Variants in C3orf70 observed in about 807,000 individuals in gnomAD.
The protein encoded by C3orf70 is chromosome 3 open reading frame 70.
In C3orf70, 15 loss-of-function variants were observed where a neutral mutation model predicts 20.7. That is an observed-to-expected ratio of 0.72 (90% CI 0.48 to 1.11). The LOEUF (loss-of-function observed/expected upper bound fraction) is 1.11, where lower values mean the gene tolerates loss of function less well. Among genes scored for constraint, C3orf70 ranks in the 50% most tolerant of loss-of-function variants. C3orf70 has a pLI of 0.00. For synonymous variants in C3orf70, 161 were observed against 125.7 expected (o/e 1.28, Z -1.88); for missense variants, 332 against 317.6 (o/e 1.05, Z -0.34).
chr3:185,125,945 G>A (rs1716402600), intron 1 of C3orf70, among the ~76,000 whole-genome samples: 1 of 152,092 alleles, frequency 6.6e-6, no homozygotes. Context: ...TTGGATGATA[G>A]GAATATTCTG....
intron 1 of C3orf70, among the ~76,000 whole-genome samples, chr3:185,105,847 G>A (rs1366893737): frequency 6.6e-6 from 1 of 152,202 alleles, no homozygotes; most frequent in African/African-American, 2.4e-5. Context: ...GGGGAGCTTG[G>A]AAGCGTCAGG....
intron 1 of C3orf70, among the ~76,000 whole-genome samples, chr3:185,084,915 T>C (rs13086069): frequency 0.051 from 7,787 of 152,276 alleles, 257 homozygotes; most frequent in East Asian, 0.095. Flanking sequence ...AGCCAATTTA[T>C]CGGTTCATGT....
At chr3:185,120,762 A>G (rs1561353085) in intron 1 of C3orf70, among the ~76,000 whole-genome samples, 2 of 152,020 alleles carry the variant, frequency 1.3e-5, no homozygotes, top group Non-Finnish European at 2.9e-5. Flanking sequence ...TGAAAAGGGA[A>G]CACTTCTACA....
At chr3:185,113,811 T>C (rs1716124204) in intron 1 of C3orf70, among the ~76,000 whole-genome samples, 1 of 152,222 alleles carries the variant, frequency 6.6e-6, no homozygotes, top group Non-Finnish European at 1.5e-5. Flanking sequence ...GTACCTGGAA[T>C]ATAATAGGTC....
chr3:185,107,161 A>ACTGG (rs1715961809), intron 1 of C3orf70, among the ~76,000 whole-genome samples: 1 of 152,202 alleles, frequency 6.6e-6, no homozygotes. Flanking sequence ...TCTCTATAGC[A>ACTGG]CTGGCCGTCC....
At chr3:185,091,094 T>C (rs1433884700) in intron 1 of C3orf70, among the ~76,000 whole-genome samples, 2 of 151,758 alleles carry the variant, frequency 1.3e-5, no homozygotes, top group Admixed American at 1.3e-4. Flanking sequence ...GTAGAGTATG[T>C]AGTCATGCTT....
chr3:185,107,172 A>G (rs374130407), intron 1 of C3orf70, among the ~76,000 whole-genome samples: 7,791 of 152,250 alleles, frequency 0.051, 637 homozygotes, highest in African/African-American at 0.18. Context: ...CTGGCCGTCC[A>G]CGTGGCCAAT....
intron 1 of C3orf70, among the ~76,000 whole-genome samples, chr3:185,107,847 C>T (rs991573081): frequency 5.3e-5 from 8 of 152,132 alleles, no homozygotes; most frequent in African/African-American, 1.9e-4. Context: ...GTCATAGACT[C>T]TAGATTTGCT....
intron 1 of C3orf70, among the ~76,000 whole-genome samples, chr3:185,094,412 A>G (rs1197200120): frequency 6.6e-6 from 1 of 151,970 alleles, no homozygotes; most frequent in Non-Finnish European, 1.5e-5. Flanking sequence ...GTTATTTCTT[A>G]GTTCTTTTCC....
At chr3:185,100,910 T>TC (rs1295559616) in intron 1 of C3orf70, among the ~76,000 whole-genome samples, 1 of 152,046 alleles carries the variant, frequency 6.6e-6, no homozygotes, top group Non-Finnish European at 1.5e-5. Flanking sequence ...TATGAACACC[T>TC]CTACACACAT....
rs749485255 is a variant in C3orf70 at position 185,076,968 on chromosome 3, C to T, written c.*6039G>A. ...GAGAGTTAAAACAGTAGAGTGCACA[C>T]GCAGATGAGATGCGCTGTCTGCAGG... On this transcript the variant is annotated 3_prime_UTR_variant, in exon 2 of 2. Coordinates refer to ENST00000335012, the MANE Select transcript of C3orf70 (RefSeq NM_001025266.3). Among the ~76,000 whole-genome samples, 23 of 152,162 alleles carry T rather than the reference C, an allele frequency of 1.5e-4. No homozygotes were observed. The highest frequency in any genetic ancestry group is 2.8e-4 in the Non-Finnish European group (19 of 68,040).
chr3:185,152,753 A>C lies in C3orf70; in HGVS notation c.71T>G (p.Leu24Arg). ...KSEKLDEAQA[L>R]ARSCAARRPD... ...TCTGCGGGCGGCGCAACTCCGCGCCAGGGCCTGAGCCTCATCTAGTTTCTC... is the reference window on the plus strand; with the variant it reads ...TCTGCGGGCGGCGCAACTCCGCGCCCGGGCCTGAGCCTCATCTAGTTTCTC... Residue 24 changes from leucine (L) to arginine (R), a missense_variant, in exon 1 of 2, where the codon CTG (leucine) becomes CGG (arginine). By Grantham distance (102) the Leu-to-Arg change is moderately radical. Transcript: ENST00000335012. The C allele has an allele frequency of 6.3e-7, 1 of 1,594,298 alleles. No individual in the cohort carries two copies. Among genetic ancestry groups the C allele is most frequent in the Non-Finnish European group, 8.5e-7 (1 of 1,171,084 alleles).
At chr3:185,129,725 G>T (rs936032353) in intron 1 of C3orf70, among the ~76,000 whole-genome samples, 4 of 152,110 alleles carry the variant, frequency 2.6e-5, no homozygotes, top group Non-Finnish European at 5.9e-5. Flanking sequence ...AACATCTGTT[G>T]TTTCTTGACT....
In C3orf70 at chr3:185,081,616, G is replaced by A. The variant is rs1290575270; in HGVS notation, c.*1391C>T. On this transcript the variant is annotated 3_prime_UTR_variant, in exon 2 of 2. Coordinates refer to ENST00000335012, the MANE Select transcript of C3orf70 (RefSeq NM_001025266.3). ...CTATGCCTCATGGATAGAAGGTTTG[G>A]AGAAATAGCAGTTAACTGACTCACA... The A allele has an allele frequency of 6.6e-6, 1 of 152,330 alleles. No homozygotes were observed. The highest frequency in any genetic ancestry group is 1.9e-4 in the East Asian group (1 of 5,192). The allele number at this position is 152,330 out of a possible 1,614,324, so 9.4% of individuals were successfully genotyped here.
rs1715400054 is a variant in C3orf70, at chr3:185,083,559, T to C, written c.201A>G (p.Lys67=). 1 of 1,581,360 alleles carries C rather than the reference T, an allele frequency of 6.3e-7. No homozygotes were observed. The highest frequency in any genetic ancestry group is 8.6e-7 in the Non-Finnish European group (1 of 1,164,854). ...WCCHLGWCHC[K]YMYQPMTPVE... ...CAGGGGTCATAGGCTGATACATGTA[T>C]TTGCCTGTGAAGACACAAAAAGACA... Residue 67 remains lysine, a synonymous_variant, in exon 2 of 2, where the codon AAA becomes AAG. Transcript: ENST00000335012.
At chr3:185,125,337 G>T (rs1716384402) in intron 1 of C3orf70, among the ~76,000 whole-genome samples, 1 of 151,966 alleles carries the variant, frequency 6.6e-6, no homozygotes, top group African/African-American at 2.4e-5. Flanking sequence ...CTGACACCAT[G>T]CCATTGCACT....
In C3orf70 at chr3:185,077,881, G is replaced by A. The variant is rs1052778442; in HGVS notation, c.*5126C>T. 5.9e-5 allele frequency among the ~76,000 whole-genome samples: 9 copies of A among 151,728 alleles called. No individual in the cohort carries two copies. Among genetic ancestry groups the A allele is most frequent in the South Asian group, 4.2e-4 (2 of 4,806 alleles). ...AGTGGTGACTCTGAGTAGATACTGC[G>A]GACAGTACAGTTTATCTGCACCTCA... is the stretch of plus-strand genomic sequence containing the variant. On this transcript the variant is annotated 3_prime_UTR_variant, in exon 2 of 2. Coordinates refer to ENST00000335012, the MANE Select transcript of C3orf70 (RefSeq NM_001025266.3).
chr3:185,110,750 G>C (rs538441850), intron 1 of C3orf70, among the ~76,000 whole-genome samples: 89 of 152,376 alleles, frequency 5.8e-4, no homozygotes, highest in Admixed American at 3.9e-3. Flanking sequence ...TAGCATGAGC[G>C]ATCTGTGCCT....
chr3:185,097,028 T>TAGA (rs981628062), intron 1 of C3orf70, among the ~76,000 whole-genome samples: 9 of 152,164 alleles, frequency 5.9e-5, no homozygotes, highest in Non-Finnish European at 8.8e-5. Flanking sequence ...GGGGACTGCA[T>TAGA]AGAATTTCCT....
Sources: allele counts gnomAD v4.1 joint callset (sites outside exome capture counted in the v4.1 genomes callset), GRCh38; gene constraint gnomAD v4.1.1; transcripts MANE v1.5; gene names NCBI Gene and HGNC (gene_info 2026-07-23, HGNC 2026-07-21).